Variants in DCAF17 observed in about 807,000 individuals in gnomAD.
The protein encoded by DCAF17 is DDB1- and CUL4-associated factor 17.
Under a neutral mutation model 66.0 loss-of-function variants are expected in DCAF17, and 48 were observed. The ratio of observed to expected loss-of-function variants is 0.73; its 90% CI spans 0.58 to 0.92. The LOEUF is 0.92. Ranked by LOEUF, DCAF17 falls within the 40% of genes least tolerant of loss-of-function variation. The pLI is 0.00. For synonymous variants in DCAF17, 206 were observed against 214.6 expected, an observed-to-expected ratio of 0.96 and a Z score of 0.35; for missense variants, 562 against 622.8, an observed-to-expected ratio of 0.90 and a Z score of 1.04.
intron 8 of DCAF17, among the ~76,000 whole-genome samples, chr2:171,460,532 TTATTATTATTA>T: frequency 6.9e-6 from 1 of 145,214 alleles, no homozygotes; most frequent in East Asian, 2.0e-4. Context: ...ATTATTATTA[TTATTATTATTA>T]ATTTTGAGAC....
intron 8 of DCAF17, among the ~76,000 whole-genome samples, chr2:171,464,900 A>G (rs781438514): frequency 3.9e-5 from 6 of 152,138 alleles, no homozygotes; most frequent in Non-Finnish European, 7.3e-5. Context: ...GTTACTACTA[A>G]GAACTAAAGT....
At chr2:171,461,747 C>T (rs1162744421) in intron 8 of DCAF17, among the ~76,000 whole-genome samples, 1 of 152,196 alleles carries the variant, frequency 6.6e-6, no homozygotes, top group Non-Finnish European at 1.5e-5. Flanking sequence ...GAAATCACCA[C>T]TACAGTCAAG....
chr2:171,469,135 G>A (rs1696091053), intron 9 of DCAF17, 105 bp downstream of exon 9: 1 of 1,295,806 alleles, frequency 7.7e-7, no homozygotes, highest in Non-Finnish European at 1.1e-6. Flanking sequence ...TTGTGCATTT[G>A]TATTAACAAT....
At chr2:171,451,558 A>G (rs772679666) in intron 5 of DCAF17, among the ~76,000 whole-genome samples, 1 of 152,158 alleles carries the variant, frequency 6.6e-6, no homozygotes, top group African/African-American at 2.4e-5. Context: ...TTAAATTGCT[A>G]AAGAGCAAGA....
At chr2:171,449,181 T>C (rs574665826) in intron 4 of DCAF17, among the ~76,000 whole-genome samples, 10 of 152,310 alleles carry the variant, frequency 6.6e-5, no homozygotes, top group African/African-American at 2.4e-4. Flanking sequence ...CTACTTTTTG[T>C]ATTTTTGGTA....
At chr2:171,435,280 G>A (rs999939456) in intron 2 of DCAF17, 94 bp downstream of exon 2, 1 of 917,826 alleles carries the variant, frequency 1.1e-6, no homozygotes, top group African/African-American at 1.7e-5. Context: ...AGTGCCTAGT[G>A]AAATAGAATG....
rs1693775556 is a variant in DCAF17 at position 171,435,130 on chromosome 2, T to C, written c.174T>C (p.Pro58=). 10 of 1,613,602 alleles carry C rather than the reference T, an allele frequency of 6.2e-6. No homozygotes were observed. The highest frequency in any genetic ancestry group is 8.5e-6 in the Non-Finnish European group (10 of 1,179,654). ...TCTGGACAACTCATTCCAGGTCACC[T>C]ATAGCCTATGAGAGAGGAAGAATAT... ...KNVWTTHSRS[P]IAYERGRIYF... The change falls in exon 2 of 14, where the codon CCT becomes CCC. Residue 58 remains proline, a synonymous_variant. Coordinates refer to ENST00000375255, the MANE Select transcript of DCAF17 (RefSeq NM_025000.4).
chr2:171,454,539 C>G (rs183324172), intron 6 of DCAF17, among the ~76,000 whole-genome samples: 2 of 152,128 alleles, frequency 1.3e-5, no homozygotes, highest in Non-Finnish European at 2.9e-5. Flanking sequence ...TCACCTCAGC[C>G]TCCCAAAGTG....
chr2:171,452,773 T>C (rs1410257622), intron 5 of DCAF17, among the ~76,000 whole-genome samples: 1 of 152,242 alleles, frequency 6.6e-6, no homozygotes, highest in African/African-American at 2.4e-5. Context: ...AGCTTTCAAA[T>C]GATATGAGCA....
At chr2:171,479,109 G>A (rs1427976730) in intron 12 of DCAF17, among the ~76,000 whole-genome samples, 2 of 152,298 alleles carry the variant, frequency 1.3e-5, no homozygotes, top group Admixed American at 6.5e-5. Flanking sequence ...AGGCAAAAAG[G>A]AAATAACGTA....
chr2:171,451,037 A>G (rs1175731192), intron 5 of DCAF17, among the ~76,000 whole-genome samples: 1 of 151,630 alleles, frequency 6.6e-6, no homozygotes, highest in Admixed American at 6.6e-5. Context: ...ATAGAACTCT[A>G]GCATTAAAAA....
At chr2:171,442,563 C>CAAAAAAA (rs1176443561) in intron 2 of DCAF17, among the ~76,000 whole-genome samples, 4 of 60,630 alleles carry the variant, frequency 6.6e-5, no homozygotes, top group Non-Finnish European at 1.3e-4. Context: ...GACTCCATCT[C>CAAAAAAA]AAAAAAAAAA....
chr2:171,452,776 T>C (rs1695030055), intron 5 of DCAF17, among the ~76,000 whole-genome samples: 1 of 152,232 alleles, frequency 6.6e-6, no homozygotes. Flanking sequence ...TTTCAAATGA[T>C]ATGAGCACGA....
chr2:171,438,303 G>A (rs55974181), intron 2 of DCAF17, among the ~76,000 whole-genome samples: 2,902 of 152,282 alleles, frequency 0.019, 42 homozygotes, highest in Non-Finnish European at 0.028. Context: ...TGAACGTTTC[G>A]TGTAAGCTTG....
At chr2:171,456,993 C>G (rs927445111) in intron 6 of DCAF17, among the ~76,000 whole-genome samples, 1 of 152,190 alleles carries the variant, frequency 6.6e-6, no homozygotes, top group African/African-American at 2.4e-5. Context: ...CCTGATGGCT[C>G]TGGCCAGAAT....
At chr2:171,470,269 C>T (rs564678896) in intron 9 of DCAF17, among the ~76,000 whole-genome samples, 1 of 152,236 alleles carries the variant, frequency 6.6e-6, no homozygotes, top group Non-Finnish European at 1.5e-5. Context: ...GTGATCCTCC[C>T]TCTTGATATA....
Position 171,483,479 on chromosome 2 carries a change from G to C in DCAF17, c.*2365G>C, listed in dbSNP as rs994585312. On this transcript the variant is annotated 3_prime_UTR_variant, in exon 14 of 14. Coordinates refer to ENST00000375255, the MANE Select transcript of DCAF17 (RefSeq NM_025000.4). ...CATTCTCAGAGCATCAATGCAGCAA[G>C]CTTATTGTTCCTCAATTTTTTACAA... 5 of 453,974 alleles carry C rather than the reference G, an allele frequency of 1.1e-5. No homozygotes were observed. The highest frequency in any genetic ancestry group is 1.0e-4 in the African/African-American group (5 of 49,996). 28.1% of individuals were successfully genotyped at this position (453,974 alleles called of 1,614,324 possible). A position where few individuals can be genotyped will look rare whatever the true frequency, so the allele number is the denominator to read the frequency against.
chr2:171,436,194 A>G (rs755819632), intron 2 of DCAF17, among the ~76,000 whole-genome samples: 6 of 152,238 alleles, frequency 3.9e-5, no homozygotes, highest in Non-Finnish European at 7.3e-5. Flanking sequence ...CATTGTATCA[A>G]TTACCACATT....
chr2:171,469,396 G>GAATGT, intron 9 of DCAF17, among the ~76,000 whole-genome samples: 1 of 152,194 alleles, frequency 6.6e-6, no homozygotes, highest in South Asian at 2.1e-4. Flanking sequence ...GCTTCTCCAC[G>GAATGT]GCTTGTTGCT....
Sources: allele counts gnomAD v4.1 joint callset (sites outside exome capture counted in the v4.1 genomes callset), GRCh38; gene constraint gnomAD v4.1.1; transcripts MANE v1.5; gene names NCBI Gene and HGNC (gene_info 2026-07-23, HGNC 2026-07-21).